LSAMP: variants seen among roughly 807,000 people sequenced by gnomAD.
LSAMP encodes limbic system-associated membrane protein.
Under a neutral mutation model 38.6 loss-of-function variants are expected in LSAMP, and 7 were observed. The observed-to-expected ratio is 0.18, with a 90% CI of 0.10 to 0.34. The LOEUF (loss-of-function observed/expected upper bound fraction) is 0.34, where lower values mean the gene tolerates loss of function less well. LSAMP is among the 10% of genes least tolerant of loss of function. LSAMP has a pLI of 1.00. For missense variants in LSAMP, 313 were observed against 420.0 expected, an observed-to-expected ratio of 0.75 and a Z score of 2.23; for synonymous variants, 154 against 166.8, an observed-to-expected ratio of 0.92 and a Z score of 0.59.
intron 3 of LSAMP, among the ~76,000 whole-genome samples, chr3:115,929,394 T>C (rs1937545920): frequency 6.6e-6 from 1 of 152,072 alleles, no homozygotes; most frequent in South Asian, 2.1e-4. Flanking sequence ...TGACACTACT[T>C]TGATCCTCAA....
At position 115,950,119 on chromosome 3, in the gene LSAMP, C is replaced by A. The variant is rs551572970; in HGVS notation, c.514+69396G>T. Among the ~76,000 whole-genome samples the A allele has an allele frequency of 3.3e-5, 5 of 151,972 alleles. No individual in the cohort carries two copies. The South Asian group carries it at 1.0e-3, about 32-fold the overall frequency. The stretch of plus-strand genomic sequence containing the variant: ...ATAGTTATCTATGACAAACCCACAG[C>A]CAACATTATACTGAATGGAGAAAAG... On this transcript the variant is annotated intron_variant, in intron 3 of 6. Transcript: ENST00000490035.
chr3:116,444,388 G>GAA (rs201968060), intron 1 of LSAMP, among the ~76,000 whole-genome samples: 2 of 11,274 alleles, frequency 1.8e-4, no homozygotes, highest in African/African-American at 1.1e-3. Flanking sequence ...GTGTTGGCAT[G>GAA]AAAAACACAC....
At chr3:116,228,426 A>G (rs1423886863) in intron 1 of LSAMP, among the ~76,000 whole-genome samples, 3 of 152,014 alleles carry the variant, frequency 2.0e-5, no homozygotes, top group Non-Finnish European at 4.4e-5. Flanking sequence ...CTAATGCCCA[A>G]TCATGTCAAC....
At chr3:115,918,524 C>G (rs959097713) in intron 3 of LSAMP, among the ~76,000 whole-genome samples, 1 of 152,152 alleles carries the variant, frequency 6.6e-6, no homozygotes, top group Non-Finnish European at 1.5e-5. Flanking sequence ...CTACATCAGT[C>G]TCTCACTGGC....
At chr3:116,007,146 T>C (rs948090543) in intron 3 of LSAMP, among the ~76,000 whole-genome samples, 3 of 152,130 alleles carry the variant, frequency 2.0e-5, no homozygotes, top group African/African-American at 7.2e-5. Context: ...ATTTTAACAC[T>C]GCAGTCAACT....
chr3:116,113,420 ATTTT>A (rs374608044), intron 1 of LSAMP, among the ~76,000 whole-genome samples: 13 of 51,020 alleles, frequency 2.5e-4, no homozygotes, highest in African/African-American at 1.1e-3. Context: ...ATATATATAT[ATTTT>A]TTTTTTTTTT....
chr3:115,972,885 T>C (rs1939063653), intron 3 of LSAMP, among the ~76,000 whole-genome samples: 1 of 148,948 alleles, frequency 6.7e-6, no homozygotes, highest in Admixed American at 6.7e-5. Flanking sequence ...ATATATTATA[T>C]ATTATGTATT....
chr3:116,110,108 G>A (rs1011078227), intron 1 of LSAMP, among the ~76,000 whole-genome samples: 1 of 152,100 alleles, frequency 6.6e-6, no homozygotes, highest in Admixed American at 6.5e-5. Flanking sequence ...GCTGCTAAGG[G>A]TGAAGGAGAA....
At chr3:116,027,776 C>A (rs1031538197) in intron 2 of LSAMP, among the ~76,000 whole-genome samples, 3 of 152,090 alleles carry the variant, frequency 2.0e-5, no homozygotes, top group Non-Finnish European at 4.4e-5. Context: ...ACTGAACAAC[C>A]ATCAGAGGGA....
At chr3:116,372,832 G>C (rs1384109607) in intron 1 of LSAMP, among the ~76,000 whole-genome samples, 1 of 148,918 alleles carries the variant, frequency 6.7e-6, no homozygotes, top group African/African-American at 2.5e-5. Context: ...AACTACAGTA[G>C]ATGCCATCTC....
chr3:115,924,634 G>A (rs1198806871), intron 3 of LSAMP, among the ~76,000 whole-genome samples: 2 of 152,186 alleles, frequency 1.3e-5, no homozygotes, highest in Non-Finnish European at 2.9e-5. Context: ...CATAAGATAG[G>A]CTGATAAAGT....
chr3:116,086,326 T>C lies in LSAMP; in HGVS notation c.386A>G (p.Gln129Arg), dbSNP rs768909394. The change falls in exon 2 of 7, where the codon CAA becomes CGA. Residue 129 changes from glutamine (Q) to arginine (R), a missense_variant and splice_region_variant. Physicochemically the swap from Gln to Arg is conservative, Grantham distance 43. Coordinates refer to ENST00000490035, the MANE Select transcript of LSAMP (RefSeq NM_002338.5). ...CTTCTATCCCACACTTTCCTTACCT[T>C]GTACGATCAAGTAAACTTGGGAGGT... ...PKTSQVYLIVQVPPKISNISS... is the reference protein window; with the variant it reads ...PKTSQVYLIVRVPPKISNISS... 6.2e-7 allele frequency: 1 copy of C among 1,613,590 alleles called. No individual in the cohort carries two copies. The highest frequency in any genetic ancestry group is 1.1e-5 in the South Asian group (1 of 91,056).
intron 3 of LSAMP, among the ~76,000 whole-genome samples, chr3:115,923,607 T>C (rs981772978): frequency 2.0e-5 from 3 of 152,234 alleles, no homozygotes; most frequent in African/African-American, 7.2e-5. Flanking sequence ...ATATAGTATC[T>C]GCTTAGTATA....
intron 3 of LSAMP, among the ~76,000 whole-genome samples, chr3:116,004,486 A>T (rs1052723176): frequency 8.7e-5 from 13 of 149,880 alleles, no homozygotes; most frequent in African/African-American, 2.9e-4. Context: ...TTATGCATAC[A>T]TACATGAAAC....
At chr3:115,964,186 T>A (rs1408850316) in intron 3 of LSAMP, among the ~76,000 whole-genome samples, 2 of 152,222 alleles carry the variant, frequency 1.3e-5, no homozygotes, top group Non-Finnish European at 1.5e-5. Context: ...ATTTTTGGTG[T>A]TTTATTTTAT....
chr3:116,385,924 T>A (rs1298963958), intron 1 of LSAMP, among the ~76,000 whole-genome samples: 3 of 132,300 alleles, frequency 2.3e-5, no homozygotes, highest in Non-Finnish European at 5.2e-5. Flanking sequence ...TTGACATTAC[T>A]ACTACTACTA....
intron 1 of LSAMP, among the ~76,000 whole-genome samples, chr3:116,396,968 T>G (rs1176716192): frequency 6.6e-6 from 1 of 152,208 alleles, no homozygotes; most frequent in Non-Finnish European, 1.5e-5. Context: ...CTTCCTCTTG[T>G]ACCACTATAG....
At chr3:115,842,139 G>T (rs1361777248) in intron 5 of LSAMP, 146 bp from the exon 6 acceptor site, 3 of 818,028 alleles carry the variant, frequency 3.7e-6, no homozygotes, top group Non-Finnish European at 5.7e-6. Flanking sequence ...TATTTTAACT[G>T]TGCAATGCCA....
At chr3:116,010,667 C>T (rs1430855496) in intron 3 of LSAMP, among the ~76,000 whole-genome samples, 2 of 152,202 alleles carry the variant, frequency 1.3e-5, no homozygotes, top group African/African-American at 4.8e-5. Context: ...CAGGTCAGCA[C>T]ATCAGAGTAA....
Sources: gnomAD v4.1 joint callset for allele counts (sites outside exome capture counted in the v4.1 genomes callset) on GRCh38, gnomAD v4.1.1 for gene constraint, MANE v1.5 for transcripts, NCBI Gene and HGNC (gene_info 2026-07-23, HGNC 2026-07-21) for gene names.